Variants in DCDC1 observed in about 807,000 individuals in gnomAD.
The protein encoded by DCDC1 is doublecortin domain-containing protein 1.
A neutral mutation model predicts 178.3 loss-of-function variants in DCDC1; 200 were observed. The ratio of observed to expected loss-of-function variants is 1.12; its 90% confidence interval spans 1.00 to 1.26. The LOEUF is 1.26. DCDC1 is among the 50% of genes most tolerant of loss of function. The probability of loss-of-function intolerance (pLI) is 0.00; values close to 1 mark genes in which losing one functional copy is unlikely to be tolerated. For missense variants in DCDC1, 1,983 were observed against 1,749.2 expected (o/e 1.13, Z -2.38); for synonymous variants, 690 against 604.8 (o/e 1.14, Z -2.07).
At chr11:31,062,156 T>C (rs1955962434) in intron 20 of DCDC1, among the ~76,000 whole-genome samples, 1 of 152,020 alleles carries the variant, frequency 6.6e-6, no homozygotes, top group Non-Finnish European at 1.5e-5. Context: ...AGAGCAGAAG[T>C]AAACTGTGCC....
intron 10 of DCDC1, among the ~76,000 whole-genome samples, chr11:31,131,476 T>C (rs549289421): frequency 1.8e-4 from 28 of 152,262 alleles, no homozygotes; most frequent in Admixed American, 5.2e-4. Context: ...GATCCAGTAT[T>C]AGTCTATGCT....
intron 7 of DCDC1, among the ~76,000 whole-genome samples, chr11:31,281,652 A>T (rs1306778667): frequency 6.6e-6 from 1 of 152,000 alleles, no homozygotes; most frequent in Non-Finnish European, 1.5e-5. Flanking sequence ...TGTGGGAGGG[A>T]CACAGTGGGA....
intron 9 of DCDC1, among the ~76,000 whole-genome samples, chr11:31,202,855 A>G (rs1456913703): frequency 3.9e-5 from 6 of 152,070 alleles, no homozygotes; most frequent in African/African-American, 1.4e-4. Flanking sequence ...AAAACAAGAA[A>G]ATAAAACCCA....
intron 20 of DCDC1, among the ~76,000 whole-genome samples, chr11:31,022,317 G>A (rs1245875937): frequency 6.6e-6 from 1 of 152,028 alleles, no homozygotes; most frequent in African/African-American, 2.4e-5. Context: ...TGCCTCTATT[G>A]ACAGATAGTA....
intron 9 of DCDC1, among the ~76,000 whole-genome samples, chr11:31,238,522 G>A (rs999313142): frequency 1.6e-4 from 24 of 152,086 alleles, no homozygotes; most frequent in African/African-American, 5.8e-4. Context: ...TGACAGGACT[G>A]TGGCCTTTTC....
intron 17 of DCDC1, among the ~76,000 whole-genome samples, chr11:31,088,037 T>G (rs993093785): frequency 1.3e-5 from 2 of 152,144 alleles, no homozygotes; most frequent in Admixed American, 1.3e-4. Flanking sequence ...GTTCTCGTGA[T>G]AAATTAACCC....
chr11:31,369,620 G>T (rs1197734328), intron 1 of DCDC1, 77 bp downstream of exon 1: 3 of 152,772 alleles, frequency 2.0e-5, no homozygotes, highest in African/African-American at 7.2e-5. Context: ...GAGGAGAGAA[G>T]CGACAGTCGC....
Position 30,905,078 on chromosome 11 carries a change from T to C in DCDC1, c.4191A>G (p.Gln1397=). 6.2e-7 allele frequency: 1 copy of C among 1,613,808 alleles called. No homozygotes were observed. Among genetic ancestry groups the C allele is most frequent in the Non-Finnish European group, 8.5e-7 (1 of 1,179,770 alleles). The part of the protein sequence containing the change: ...LLSLRMKTCT[Q]AASHSGMAAT... The stretch of plus-strand genomic sequence containing the variant: ...CTGCCATGCCACTGTGAGATGCAGC[T>C]TGCGTGCAGGTCTTCATCCGTAAAG... Residue 1397 remains glutamine (Q), a synonymous_variant, in exon 31 of 39, where the codon CAA becomes CAG. Coordinates refer to ENST00000684477, the MANE Select transcript of DCDC1 (RefSeq NM_001387274.1).
At chr11:31,196,791 C>A (rs1333470591) in intron 9 of DCDC1, among the ~76,000 whole-genome samples, 1 of 152,078 alleles carries the variant, frequency 6.6e-6, no homozygotes, top group African/African-American at 2.4e-5. Flanking sequence ...GTGATGAAGT[C>A]AATCTCCAAC....
At chr11:31,332,520 C>T (rs1950047118) in intron 2 of DCDC1, among the ~76,000 whole-genome samples, 1 of 152,166 alleles carries the variant, frequency 6.6e-6, no homozygotes, top group East Asian at 1.9e-4. Context: ...GCATTTAGTG[C>T]TATAAATTTC....
intron 7 of DCDC1, chr11:31,280,643 T>C (rs1278229855): frequency 8.4e-6 from 4 of 475,376 alleles, no homozygotes; most frequent in South Asian, 1.9e-5. Flanking sequence ...TTCTGTTTTG[T>C]AATAAATAAG....
At chr11:31,346,623 T>C (rs1187254613) in intron 1 of DCDC1, among the ~76,000 whole-genome samples, 1 of 152,156 alleles carries the variant, frequency 6.6e-6, no homozygotes, top group Non-Finnish European at 1.5e-5. Context: ...ATTAAGGAAA[T>C]GATTTTATTA....
At chr11:31,058,490 GC>G (rs1403133574) in intron 20 of DCDC1, among the ~76,000 whole-genome samples, 2 of 152,048 alleles carry the variant, frequency 1.3e-5, no homozygotes, top group Non-Finnish European at 2.9e-5. Flanking sequence ...GAAAAATAAA[GC>G]AGGGAAAGAG....
intron 20 of DCDC1, among the ~76,000 whole-genome samples, chr11:30,959,492 C>G (rs572052688): frequency 6.6e-6 from 1 of 152,226 alleles, no homozygotes; most frequent in African/African-American, 2.4e-5. Context: ...CAGGCTTTGG[C>G]ACAGCTTCCT....
intron 20 of DCDC1, among the ~76,000 whole-genome samples, chr11:31,062,328 C>G (rs972301709): frequency 6.6e-6 from 1 of 152,116 alleles, no homozygotes; most frequent in South Asian, 2.1e-4. Flanking sequence ...ATTACGAGTT[C>G]TCAAGTGTCC....
At chr11:31,278,077 A>T (rs1946123996) in intron 7 of DCDC1, among the ~76,000 whole-genome samples, 1 of 152,118 alleles carries the variant, frequency 6.6e-6, no homozygotes, top group Admixed American at 6.6e-5. Flanking sequence ...TTCATGAATG[A>T]TTGTGAGGTA....
intron 9 of DCDC1, among the ~76,000 whole-genome samples, chr11:31,150,271 T>C (rs969620609): frequency 6.6e-6 from 1 of 152,290 alleles, no homozygotes; most frequent in Admixed American, 6.5e-5. Flanking sequence ...AGTAAAAGGA[T>C]TGCATGCTAT....
chr11:31,004,606 C>T (rs776280810), intron 20 of DCDC1, among the ~76,000 whole-genome samples: 1 of 148,720 alleles, frequency 6.7e-6, no homozygotes, highest in Non-Finnish European at 1.5e-5. Flanking sequence ...TGGCATATCC[C>T]GGGAGGCGGA....
At position 30,931,871 on chromosome 11, in the gene DCDC1, A is replaced by G. The variant is rs146676002; in HGVS notation, c.2797T>C (p.Tyr933His). 8.3e-5 allele frequency: 134 copies of G among 1,613,184 alleles called. No individual in the cohort carries two copies. The Middle Eastern group carries it at 9.9e-4, about 12-fold the overall frequency. Residue 933 changes from tyrosine to histidine, a missense_variant, in exon 22 of 39, where the codon TAT becomes CAT. Transcript: ENST00000684477. ...AAAACTCTGAGTCGCACAGGGGCATATGGCTCTGTTGTCTTACAGATGGGT... is the reference window on the plus strand; with the variant it reads ...AAAACTCTGAGTCGCACAGGGGCATGTGGCTCTGTTGTCTTACAGATGGGT... Reference protein sequence around the residue: ...KKPICKTTEPYAPVRLRVLQN... With the variant: ...KKPICKTTEPHAPVRLRVLQN...
Sources: allele counts gnomAD v4.1 joint callset (sites outside exome capture counted in the v4.1 genomes callset), GRCh38; gene constraint gnomAD v4.1.1; transcripts MANE v1.5; gene names NCBI Gene and HGNC (gene_info 2026-07-23, HGNC 2026-07-21).